Variants in MTMR3 observed in about 807,000 individuals in gnomAD.
MTMR3 encodes myotubularin related protein 3.
Under a neutral mutation model 132.4 loss-of-function variants are expected in MTMR3, and 32 were observed. That is an observed-to-expected ratio of 0.24 (90% CI 0.18 to 0.32). MTMR3 has a LOEUF of 0.32. Among genes scored for constraint, MTMR3 ranks in the 10% least tolerant of loss-of-function variants. The pLI is 1.00. For missense variants in MTMR3, 1,216 were observed against 1,489.6 expected, an observed-to-expected ratio of 0.82 and a Z score of 3.02; for synonymous variants, 556 against 550.3, an observed-to-expected ratio of 1.01 and a Z score of -0.14.
At chr22:30,015,139 C>G (rs538760267) in intron 14 of MTMR3, 1 of 152,156 alleles carries the variant, frequency 6.6e-6, no homozygotes, top group African/African-American at 2.4e-5. Flanking sequence ...CTTGAACTCC[C>G]AGGGTCAAGT....
chr22:29,976,937 C>T (rs573243570), intron 3 of MTMR3, among the ~76,000 whole-genome samples: 1 of 152,140 alleles, frequency 6.6e-6, no homozygotes, highest in African/African-American at 2.4e-5. Context: ...AACCAGTAAC[C>T]ACTGGTTATA....
Position 30,030,710 on chromosome 22 carries a change from C to T in MTMR3, c.*4909C>T, listed in dbSNP as rs1372688574. 1.3e-5 allele frequency: 2 copies of T among 151,344 alleles called. No homozygotes were observed. Among genetic ancestry groups the T allele is most frequent in the Non-Finnish European group, 2.9e-5 (2 of 67,868 alleles). The allele number at this position is 151,344 out of a possible 1,614,324, so 9.4% of individuals were successfully genotyped here. A position where few individuals can be genotyped will look rare whatever the true frequency, so the allele number is the denominator to read the frequency against. On this transcript the variant is annotated 3_prime_UTR_variant, in exon 20 of 20. Transcript: ENST00000401950. ...CCTGATGTTTAGAGGCGGAAGGGAC[C>T]TTAGGTCACCTACTTCCACGGTTTT...
intron 1 of MTMR3, among the ~76,000 whole-genome samples, chr22:29,946,306 T>A (rs904072542): frequency 1.3e-5 from 2 of 152,148 alleles, no homozygotes; most frequent in Non-Finnish European, 2.9e-5. Flanking sequence ...TGATGGATTC[T>A]GTTTAGGATA....
At chr22:29,976,976 G>A (rs540425494) in intron 3 of MTMR3, among the ~76,000 whole-genome samples, 8 of 152,204 alleles carry the variant, frequency 5.3e-5, no homozygotes, top group Non-Finnish European at 1.2e-4. Flanking sequence ...TGAACATGAT[G>A]TGGCTTTTGC....
intron 1 of MTMR3, among the ~76,000 whole-genome samples, chr22:29,898,912 C>CT (rs199656050): frequency 0.43 from 60,830 of 142,794 alleles, 13,185 homozygotes; most frequent in East Asian, 0.7. Flanking sequence ...TTTCTCACAT[C>CT]TTTTTTTTTT....
intron 5 of MTMR3, chr22:29,979,570 A>G (rs1035797233): frequency 1.1e-5 from 2 of 182,944 alleles, no homozygotes; most frequent in Non-Finnish European, 2.3e-5. Flanking sequence ...TGATGTGTGT[A>G]GTTGTCAGCT....
At position 29,970,965 on chromosome 22, in the gene MTMR3, C is replaced by G. The variant is rs6006317; in HGVS notation, c.-84-11C>G. On this transcript the variant is annotated splice_polypyrimidine_tract_variant and intron_variant, in intron 2 of 19. Transcript: ENST00000401950. The stretch of plus-strand genomic sequence containing the variant: ...TTTTTTCTTCTTCCCCCTCTTCCCC[C>G]CCACCCCCAGACTTCACCATAAGGG... 6 of 949,112 alleles carry G rather than the reference C, an allele frequency of 6.3e-6. No homozygotes were observed. Among genetic ancestry groups the G allele is most frequent in the Non-Finnish European group, 8.9e-6 (6 of 675,834 alleles). 58.8% of individuals were successfully genotyped at this position (949,112 alleles called of 1,614,324 possible).
chr22:30,011,228 T>C (rs991242230), intron 12 of MTMR3: 52 of 152,228 alleles, frequency 3.4e-4, no homozygotes, highest in African/African-American at 1.2e-3. Context: ...ACTACAAATC[T>C]GATCACATTT....
At chr22:29,897,711 A>G (rs1182823053) in intron 1 of MTMR3, among the ~76,000 whole-genome samples, 1 of 152,154 alleles carries the variant, frequency 6.6e-6, no homozygotes, top group Non-Finnish European at 1.5e-5. Context: ...TGGCCCCCCA[A>G]AGGGCTGGGA....
At chr22:29,907,016 G>A (rs1033204447) in intron 1 of MTMR3, among the ~76,000 whole-genome samples, 1 of 152,032 alleles carries the variant, frequency 6.6e-6, no homozygotes, top group Non-Finnish European at 1.5e-5. Flanking sequence ...GACGGAGGTT[G>A]CAGTGAGCTG....
At chr22:29,961,585 T>C (rs1478912301) in intron 2 of MTMR3, among the ~76,000 whole-genome samples, 7 of 152,174 alleles carry the variant, frequency 4.6e-5, no homozygotes, top group Admixed American at 1.3e-4. Context: ...GAGATTAAAA[T>C]GGAACTGAAA....
intron 1 of MTMR3, among the ~76,000 whole-genome samples, chr22:29,910,290 T>G (rs1373384316): frequency 6.6e-6 from 1 of 152,160 alleles, no homozygotes; most frequent in Non-Finnish European, 1.5e-5. Flanking sequence ...ACAAAACAGT[T>G]TGTATGGAAC....
intron 1 of MTMR3, among the ~76,000 whole-genome samples, chr22:29,934,789 G>A (rs1270518931): frequency 6.6e-6 from 1 of 152,192 alleles, no homozygotes; most frequent in African/African-American, 2.4e-5. Context: ...AGTGGGTTAA[G>A]TGGCACCTCC....
At chr22:29,908,521 GCT>G (rs1407736669) in intron 1 of MTMR3, among the ~76,000 whole-genome samples, 1 of 152,156 alleles carries the variant, frequency 6.6e-6, no homozygotes, top group African/African-American at 2.4e-5. Flanking sequence ...AGTGATTGCA[GCT>G]CTGTTTCTAA....
intron 1 of MTMR3, among the ~76,000 whole-genome samples, chr22:29,919,255 T>C (rs1454901314): frequency 2.0e-5 from 3 of 152,212 alleles, no homozygotes; most frequent in South Asian, 2.1e-4. Context: ...CTCAATTCTT[T>C]AGCAAGGCAT....
chr22:29,928,906 G>A (rs1323045375), intron 1 of MTMR3, among the ~76,000 whole-genome samples: 2 of 152,196 alleles, frequency 1.3e-5, no homozygotes, highest in Non-Finnish European at 2.9e-5. Flanking sequence ...TATGGAATAC[G>A]TAGTAGTAGT....
rs1311069566 is a variant in MTMR3 at position 30,029,267 on chromosome 22, ACT to A, written c.*3470_*3471del. On this transcript the variant is annotated 3_prime_UTR_variant, in exon 20 of 20. Coordinates refer to ENST00000401950, the MANE Select transcript of MTMR3 (RefSeq NM_021090.4). Reference sequence around the variant, plus strand: ...CATCTCAGAACTTTCCTATCCTGGCACTCTCGTTACCTTTCTTCTATACCTTG... The same window carrying A: ...CATCTCAGAACTTTCCTATCCTGGCACTCGTTACCTTTCTTCTATACCTTG... 6.6e-6 allele frequency: 1 copy of A among 152,276 alleles called. No homozygotes were observed. Among genetic ancestry groups the A allele is most frequent in the East Asian group, 1.9e-4 (1 of 5,334 alleles). 9.4% of individuals were successfully genotyped at this position (152,276 alleles called of 1,614,324 possible).
intron 1 of MTMR3, among the ~76,000 whole-genome samples, chr22:29,904,122 C>T (rs1449800426): frequency 6.6e-6 from 1 of 152,168 alleles, no homozygotes; most frequent in Middle Eastern, 3.2e-3. Flanking sequence ...TGTTGGTGAT[C>T]CAAGTCTAGA....
intron 2 of MTMR3, among the ~76,000 whole-genome samples, chr22:29,969,195 C>T (rs73162773): frequency 0.16 from 24,840 of 152,162 alleles, 2,150 homozygotes; most frequent in South Asian, 0.24. Context: ...GTTCCTTGTC[C>T]GTTGAGCTGT....
Sources: gnomAD v4.1 joint callset for allele counts (sites outside exome capture counted in the v4.1 genomes callset) on GRCh38, gnomAD v4.1.1 for gene constraint, MANE v1.5 for transcripts, NCBI Gene and HGNC (gene_info 2026-07-23, HGNC 2026-07-21) for gene names.